Variants in AUH observed in about 807,000 individuals in gnomAD.
The protein encoded by AUH is methylglutaconyl-CoA hydratase, mitochondrial.
A neutral mutation model predicts 42.3 loss-of-function variants in AUH; 29 were observed. The ratio of observed to expected loss-of-function variants is 0.69; its 90% CI spans 0.51 to 0.93. AUH has a LOEUF of 0.93. AUH is among the 40% of genes least tolerant of loss of function. AUH has a pLI of 0.00. For synonymous variants in AUH, 174 were observed against 166.4 expected (o/e 1.05, Z -0.35); for missense variants, 452 against 438.1 (o/e 1.03, Z -0.28).
intron 7 of AUH, chr9:91,218,935 C>T: frequency 1.0e-6 from 1 of 985,290 alleles, no homozygotes; most frequent in Admixed American, 6.1e-5. Flanking sequence ...TCTTATACAT[C>T]AACATCTTCT....
At chr9:91,276,438 G>A (rs558919310) in intron 6 of AUH, among the ~76,000 whole-genome samples, 1 of 149,890 alleles carries the variant, frequency 6.7e-6, no homozygotes, top group African/African-American at 2.4e-5. Context: ...AAAGAGTATT[G>A]CATATACAAA....
intron 6 of AUH, among the ~76,000 whole-genome samples, chr9:91,270,144 T>C (rs1824997959): frequency 6.6e-6 from 1 of 152,128 alleles, no homozygotes; most frequent in South Asian, 2.1e-4. Flanking sequence ...CTGGTTAGCA[T>C]AAGGAAAGGG....
chr9:91,293,311 G>A (rs1481116624), intron 6 of AUH, among the ~76,000 whole-genome samples: 2 of 152,240 alleles, frequency 1.3e-5, no homozygotes, highest in African/African-American at 4.8e-5. Context: ...GCTGAGATCA[G>A]CCAAAAGCTA....
intron 6 of AUH, among the ~76,000 whole-genome samples, chr9:91,252,321 T>C (rs1410192275): frequency 6.6e-6 from 1 of 151,874 alleles, no homozygotes; most frequent in South Asian, 2.1e-4. Context: ...CTTGTACATA[T>C]GGTCAAGGAA....
intron 4 of AUH, among the ~76,000 whole-genome samples, chr9:91,301,959 A>T (rs1327512590): frequency 2.0e-5 from 3 of 152,206 alleles, no homozygotes; most frequent in Non-Finnish European, 4.4e-5. Context: ...GAATTAAGTA[A>T]AACAGCTTAA....
intron 6 of AUH, among the ~76,000 whole-genome samples, chr9:91,265,779 G>A (rs1271189340): frequency 6.6e-6 from 1 of 152,126 alleles, no homozygotes; most frequent in Non-Finnish European, 1.5e-5. Context: ...CAGTTTTTCT[G>A]AAAACTTGCA....
chr9:91,315,102 A>G (rs947220712), intron 4 of AUH, among the ~76,000 whole-genome samples: 1 of 152,122 alleles, frequency 6.6e-6, no homozygotes, highest in Admixed American at 6.6e-5. Flanking sequence ...ACGTCCAGCT[A>G]ATTTTTGTAT....
At chr9:91,224,282 T>C (rs1175948981) in intron 6 of AUH, among the ~76,000 whole-genome samples, 2 of 152,208 alleles carry the variant, frequency 1.3e-5, no homozygotes, top group Admixed American at 6.5e-5. Flanking sequence ...TTTAAAGTTA[T>C]TTGCCTATTT....
intron 3 of AUH, 96 bp from the exon 4 acceptor site, chr9:91,325,500 G>C: frequency 1.0e-6 from 1 of 980,422 alleles, no homozygotes; most frequent in Non-Finnish European, 1.6e-6. Flanking sequence ...ACAACTTCAA[G>C]ATCAGCCTAA....
chr9:91,273,618 T>C (rs1374798128), intron 6 of AUH, among the ~76,000 whole-genome samples: 2 of 152,204 alleles, frequency 1.3e-5, no homozygotes, highest in Non-Finnish European at 2.9e-5. Context: ...AAAATAAAGG[T>C]ACCAAATTGA....
At chr9:91,316,693 T>C (rs1377315415) in intron 4 of AUH, among the ~76,000 whole-genome samples, 1 of 152,236 alleles carries the variant, frequency 6.6e-6, no homozygotes, top group Non-Finnish European at 1.5e-5. Context: ...GTGAAATGTT[T>C]TTCTGTCATG....
At chr9:91,349,655 G>T (rs1340532250) in intron 3 of AUH, among the ~76,000 whole-genome samples, 1 of 148,814 alleles carries the variant, frequency 6.7e-6, no homozygotes, top group Non-Finnish European at 1.5e-5. Flanking sequence ...GTGTGTGGGT[G>T]TGTGTATGTA....
At chr9:91,218,646 A>C (rs751911199) in intron 7 of AUH, 17 of 985,306 alleles carry the variant, frequency 1.7e-5, no homozygotes, top group Non-Finnish European at 1.9e-5. Flanking sequence ...TCAAAATGCT[A>C]TTAGAAATAG....
At chr9:91,341,307 G>A (rs1051310771) in intron 3 of AUH, among the ~76,000 whole-genome samples, 4 of 152,170 alleles carry the variant, frequency 2.6e-5, no homozygotes, top group African/African-American at 9.7e-5. Context: ...ACTAGGGGGG[G>A]CCCATTCTCT....
intron 3 of AUH, among the ~76,000 whole-genome samples, chr9:91,337,987 T>A (rs930653682): frequency 3.3e-5 from 5 of 152,210 alleles, no homozygotes; most frequent in African/African-American, 1.2e-4. Flanking sequence ...TACCAACTTG[T>A]AAGTGCTTTC....
At chr9:91,223,773 G>T (rs762056908) in intron 6 of AUH, among the ~76,000 whole-genome samples, 31 of 152,170 alleles carry the variant, frequency 2.0e-4, no homozygotes, top group Non-Finnish European at 3.5e-4. Context: ...GTGTGCAGTA[G>T]CATTTTGAAA....
chr9:91,238,837 T>C (rs1391697988), intron 6 of AUH, among the ~76,000 whole-genome samples: 1 of 152,204 alleles, frequency 6.6e-6, no homozygotes, highest in South Asian at 2.1e-4. Context: ...AATATCTGGT[T>C]ATCTCCTGTA....
chr9:91,290,308 T>C (rs1260281836), intron 6 of AUH, among the ~76,000 whole-genome samples: 1 of 152,058 alleles, frequency 6.6e-6, no homozygotes, highest in Non-Finnish European at 1.5e-5. Flanking sequence ...TCCCAGCTAC[T>C]CCAGAGGCCG....
At chr9:91,307,178 T>C (rs1828293674) in intron 4 of AUH, among the ~76,000 whole-genome samples, 1 of 152,166 alleles carries the variant, frequency 6.6e-6, no homozygotes, top group Non-Finnish European at 1.5e-5. Flanking sequence ...GGTGCTGTTT[T>C]CACAAGTCAA....
Sources: allele counts gnomAD v4.1 joint callset (sites outside exome capture counted in the v4.1 genomes callset), GRCh38; gene constraint gnomAD v4.1.1; transcripts MANE v1.5; gene names NCBI Gene and HGNC (gene_info 2026-07-23, HGNC 2026-07-21).